Variants in FTO observed in about 807,000 individuals in gnomAD.
The protein encoded by FTO is alpha-ketoglutarate-dependent dioxygenase FTO.
A neutral mutation model predicts 63.9 loss-of-function variants in FTO; 47 were observed. The ratio of observed to expected loss-of-function variants is 0.74; its 90% CI spans 0.58 to 0.94. The LOEUF is 0.94. Among genes scored for constraint, FTO ranks in the 40% least tolerant of loss-of-function variants. The pLI, the probability that FTO is intolerant of heterozygous loss-of-function variation, is 0.00. For missense variants in FTO, 562 were observed against 618.1 expected (o/e 0.91, Z 0.96); for synonymous variants, 207 against 224.4 (o/e 0.92, Z 0.69).
intron 8 of FTO, among the ~76,000 whole-genome samples, chr16:54,067,442 C>T (rs1230856666): frequency 6.6e-6 from 1 of 152,168 alleles, no homozygotes; most frequent in African/African-American, 2.4e-5. Flanking sequence ...ACTAATAAAC[C>T]TGCTAAATCT....
intron 2 of FTO, among the ~76,000 whole-genome samples, chr16:53,811,958 A>G (rs1280138322): frequency 6.6e-6 from 1 of 151,934 alleles, no homozygotes; most frequent in Non-Finnish European, 1.5e-5. Context: ...GACCACTGGC[A>G]TGTGCCACCA....
At position 53,825,882 on chromosome 16, in the gene FTO, A is replaced by C. The variant is rs765590518; in HGVS notation, c.142A>C (p.Lys48Gln). ...FYQQWQLKYP[K>Q]LILREASSVS... Reference sequence around the variant, plus strand: ...GTTTTAGTGGCAGCTGAAATATCCTAAACTAATTCTCCGAGAAGCCAGCAG... The same window carrying C: ...GTTTTAGTGGCAGCTGAAATATCCTCAACTAATTCTCCGAGAAGCCAGCAG... Residue 48 changes from lysine to glutamine, a missense_variant, in exon 3 of 9, where the codon AAA becomes CAA. Physicochemically the swap from Lys to Gln is moderately conservative, Grantham distance 53. Coordinates refer to ENST00000471389, the MANE Select transcript of FTO (RefSeq NM_001080432.3). 8.7e-6 allele frequency: 14 copies of C among 1,613,854 alleles called. No homozygotes were observed. The highest frequency in any genetic ancestry group is 1.2e-5 in the Non-Finnish European group (14 of 1,180,032).
intron 1 of FTO, among the ~76,000 whole-genome samples, chr16:53,792,093 A>T (rs2077936740): frequency 1.3e-5 from 2 of 149,694 alleles, no homozygotes; most frequent in East Asian, 2.0e-4. Context: ...AAAAAAAAAA[A>T]TAAAAATAAA....
intron 4 of FTO, among the ~76,000 whole-genome samples, chr16:53,859,647 G>A (rs1462774175): frequency 3.3e-5 from 5 of 152,002 alleles, no homozygotes; most frequent in African/African-American, 1.2e-4. Flanking sequence ...AGACATTTCT[G>A]AAAAGGAGAC....
chr16:53,728,536 G>C lies in FTO; in HGVS notation c.45+24307G>C, dbSNP rs1413936247. On this transcript the variant is annotated intron_variant, in intron 1 of 8. Coordinates refer to ENST00000471389, the MANE Select transcript of FTO (RefSeq NM_001080432.3). Reference sequence around the variant, plus strand: ...CCATGAACTAGATAGGTATCATTTGGCTATCATTAGGTATCTGGAGAGAGA... The same window carrying C: ...CCATGAACTAGATAGGTATCATTTGCCTATCATTAGGTATCTGGAGAGAGA... Among the ~76,000 whole-genome samples, 5 of 152,116 alleles carry C rather than the reference G, an allele frequency of 3.3e-5. No individual in the cohort carries two copies. The East Asian group carries it at 9.6e-4, about 29-fold the overall frequency.
At chr16:54,048,718 C>T (rs115128022) in intron 8 of FTO, among the ~76,000 whole-genome samples, 164 of 152,286 alleles carry the variant, frequency 1.1e-3, no homozygotes, top group African/African-American at 3.0e-3. Flanking sequence ...TTCCAGCAGC[C>T]GTAGAGCATT....
intron 1 of FTO, among the ~76,000 whole-genome samples, chr16:53,747,612 A>G (rs1172560448): frequency 1.3e-5 from 2 of 152,144 alleles, no homozygotes; most frequent in East Asian, 3.8e-4. Flanking sequence ...CCCAATCTGT[A>G]GGTTGTCTCT....
chr16:53,997,681 T>C (rs2083973482), intron 8 of FTO, among the ~76,000 whole-genome samples: 1 of 133,852 alleles, frequency 7.5e-6, no homozygotes, highest in African/African-American at 3.1e-5. Context: ...CTTCTTAATA[T>C]TTTTGCCATA....
rs374122932 is a variant in FTO at position 54,019,812 on chromosome 16, C to T, written c.1364+85703C>T. On this transcript the variant is annotated intron_variant, in intron 8 of 8. Transcript: ENST00000471389. ...CACTTTCCACTTTGAATTACTCAGG[C>T]TCTGTGCATCTCTTTCCACTGCACA... is the stretch of plus-strand genomic sequence containing the variant. Among the ~76,000 whole-genome samples, 14 of 152,308 alleles carry T rather than the reference C, an allele frequency of 9.2e-5. No individual in the cohort carries two copies. The South Asian group carries it at 2.7e-3, about 29-fold the overall frequency.
At chr16:53,950,484 T>C (rs1567466689) in intron 8 of FTO, among the ~76,000 whole-genome samples, 3 of 152,160 alleles carry the variant, frequency 2.0e-5, no homozygotes, top group Middle Eastern at 3.2e-3. Context: ...TGATATTTTT[T>C]CCAGTGATAA....
chr16:54,031,280 GC>G (rs1388929996), intron 8 of FTO, among the ~76,000 whole-genome samples: 1 of 152,196 alleles, frequency 6.6e-6, no homozygotes, highest in South Asian at 2.1e-4. Flanking sequence ...GATACTTCTT[GC>G]TTGCTGCACA....
chr16:54,030,375 G>A (rs566740358), intron 8 of FTO, among the ~76,000 whole-genome samples: 145 of 152,262 alleles, frequency 9.5e-4, no homozygotes, highest in African/African-American at 3.3e-3. Context: ...TTTATTGTCT[G>A]TTGGAAGAAA....
intron 8 of FTO, among the ~76,000 whole-genome samples, chr16:54,086,967 C>T (rs1477980517): frequency 2.6e-5 from 4 of 152,186 alleles, no homozygotes; most frequent in Non-Finnish European, 2.9e-5. Flanking sequence ...GAATGAGATG[C>T]CATTGCTTTC....
chr16:53,849,626 T>A (rs1179598079), intron 4 of FTO, among the ~76,000 whole-genome samples: 3 of 152,192 alleles, frequency 2.0e-5, no homozygotes, highest in Non-Finnish European at 2.9e-5. Flanking sequence ...TGGCCAGTAG[T>A]TTTTTATAGA....
rs1343261513 is a variant in FTO, at chr16:54,119,131, G to GTT, written c.*7216_*7217insTT. ...CCTCTTTAGGTTTTTCAGACTCCAT[G>GTT]CACCCTGTGGAAACTGCCTTTCTTG... On this transcript the variant is annotated 3_prime_UTR_variant, in exon 9 of 9. Coordinates refer to ENST00000471389, the MANE Select transcript of FTO (RefSeq NM_001080432.3). The GTT allele has an allele frequency of 1.3e-5, 2 of 152,158 alleles. No homozygotes were observed. Among genetic ancestry groups the GTT allele is most frequent in the Non-Finnish European group, 2.9e-5 (2 of 68,032 alleles). 9.4% of individuals were successfully genotyped at this position (152,158 alleles called of 1,614,324 possible). A position where few individuals can be genotyped will look rare whatever the true frequency, so the allele number is the denominator to read the frequency against.
intron 1 of FTO, among the ~76,000 whole-genome samples, chr16:53,772,302 T>C (rs1364029685): frequency 6.6e-6 from 1 of 152,042 alleles, no homozygotes; most frequent in African/African-American, 2.4e-5. Context: ...GTATTTTCTC[T>C]TCTCTCTTTT....
chr16:53,707,820 G>T (rs572816461), intron 1 of FTO, among the ~76,000 whole-genome samples: 1 of 152,124 alleles, frequency 6.6e-6, no homozygotes, highest in South Asian at 2.1e-4. Context: ...TGTCACCACC[G>T]TCTTATTTTA....
intron 4 of FTO, among the ~76,000 whole-genome samples, chr16:53,850,901 G>T (rs12444276): frequency 0.21 from 32,257 of 151,608 alleles, 3,632 homozygotes; most frequent in East Asian, 0.33. Context: ...TTTTTTCTTC[G>T]TTTTGCAGCT....
chr16:53,902,311 T>G (rs1278905901), intron 7 of FTO, among the ~76,000 whole-genome samples: 6 of 152,158 alleles, frequency 3.9e-5, no homozygotes, highest in Non-Finnish European at 8.8e-5. Context: ...GGTGATCATC[T>G]TCTCTTCCTT....
Sources: allele counts gnomAD v4.1 joint callset (sites outside exome capture counted in the v4.1 genomes callset), GRCh38; gene constraint gnomAD v4.1.1; transcripts MANE v1.5; gene names NCBI Gene and HGNC (gene_info 2026-07-23, HGNC 2026-07-21).